KLF12: variants seen among roughly 807,000 people sequenced by gnomAD.
KLF12 encodes the protein KLF transcription factor 12, also known as Krueppel-like factor 12.
Under a neutral mutation model 37.8 loss-of-function variants are expected in KLF12, and 9 were observed. The observed-to-expected ratio is 0.24, with a 90% CI of 0.14 to 0.42. KLF12 has a LOEUF of 0.42. Among genes scored for constraint, KLF12 ranks in the 10% least tolerant of loss-of-function variants. The pLI is 1.00. For synonymous variants in KLF12, 208 were observed against 202.1 expected (o/e 1.03, Z -0.25); for missense variants, 411 against 516.0 (o/e 0.80, Z 1.97).
At chr13:73,787,601 C>A (rs181136120) in intron 5 of KLF12, among the ~76,000 whole-genome samples, 2 of 152,190 alleles carry the variant, frequency 1.3e-5, no homozygotes, top group East Asian at 3.9e-4. Context: ...GGAAACCAAG[C>A]AAATAAACTG....
At chr13:74,150,240 C>G in the KLF12 span, among the ~76,000 whole-genome samples, 4 of 152,092 alleles carry the variant, frequency 2.6e-5, no homozygotes, top group Admixed American at 6.5e-5. Context: ...GTGAATATCT[C>G]TCTAATACAT....
the KLF12 span, among the ~76,000 whole-genome samples, chr13:74,243,751 A>G: frequency 1.3e-4 from 20 of 152,110 alleles, no homozygotes; most frequent in Admixed American, 1.3e-3. Context: ...ATGAGAGGAC[A>G]TTCTTTAAGG....
chr13:74,145,886 A>G, the KLF12 span, among the ~76,000 whole-genome samples: 4 of 152,242 alleles, frequency 2.6e-5, no homozygotes, highest in Non-Finnish European at 4.4e-5. Context: ...TGCAAAATGT[A>G]GTGTATTTCT....
the KLF12 span, among the ~76,000 whole-genome samples, chr13:74,185,627 T>C: frequency 6.6e-6 from 1 of 152,204 alleles, no homozygotes. Context: ...ATTGGCCAGA[T>C]TAATGACTTT....
At chr13:73,974,310 C>CAAAAA (rs61516158) in intron 2 of KLF12, among the ~76,000 whole-genome samples, 185 of 146,294 alleles carry the variant, frequency 1.3e-3, no homozygotes, top group African/African-American at 4.7e-3. Flanking sequence ...AACTTCAAGA[C>CAAAAA]AAAAAAAAAA....
intron 6 of KLF12, among the ~76,000 whole-genome samples, chr13:73,740,516 T>C (rs2137886591): frequency 6.6e-6 from 1 of 152,310 alleles, no homozygotes; most frequent in East Asian, 1.9e-4. Flanking sequence ...TTTATTTTTA[T>C]TTTTAAATAG....
At chr13:73,749,120 A>G (rs947781297) in intron 6 of KLF12, among the ~76,000 whole-genome samples, 1 of 152,236 alleles carries the variant, frequency 6.6e-6, no homozygotes, top group South Asian at 2.1e-4. Context: ...GCTTGCTACA[A>G]TCCTAGGGGA....
At chr13:73,957,990 A>G (rs1185066507) in intron 2 of KLF12, among the ~76,000 whole-genome samples, 2 of 152,224 alleles carry the variant, frequency 1.3e-5, no homozygotes, top group African/African-American at 4.8e-5. Context: ...GGAGATATGC[A>G]GAAAAGCAAA....
intron 6 of KLF12, among the ~76,000 whole-genome samples, chr13:73,726,231 G>A (rs1305218886): frequency 6.6e-6 from 1 of 152,128 alleles, no homozygotes; most frequent in East Asian, 1.9e-4. Context: ...CTGACCCAAT[G>A]TCCAATACAT....
chr13:74,206,732 A>G, the KLF12 span, among the ~76,000 whole-genome samples: 1 of 152,232 alleles, frequency 6.6e-6, no homozygotes, highest in African/African-American at 2.4e-5. Flanking sequence ...CAGCATGCTC[A>G]CTATGCACAG....
chr13:74,256,688 T>TTGTGTGTGTGTGTGTG, the KLF12 span, among the ~76,000 whole-genome samples: 314 of 148,008 alleles, frequency 2.1e-3, 1 homozygote, highest in Middle Eastern at 6.9e-3. Flanking sequence ...TGAGTAGAGC[T>TTGTGTGTGTGTGTGTG]TGTGTGTGTG....
chr13:74,262,600 T>A, the KLF12 span, among the ~76,000 whole-genome samples: 5,943 of 152,240 alleles, frequency 0.039, 265 homozygotes, highest in African/African-American at 0.1. Context: ...ACAATATAAC[T>A]GTTATGCTGT....
chr13:73,985,874 G>T (rs575995024), intron 2 of KLF12, among the ~76,000 whole-genome samples: 106 of 152,176 alleles, frequency 7.0e-4, no homozygotes, highest in African/African-American at 2.5e-3. Flanking sequence ...AAATCTAAAG[G>T]ATCTCACTAC....
At chr13:73,936,504 A>G (rs899109721) in intron 3 of KLF12, among the ~76,000 whole-genome samples, 5 of 152,150 alleles carry the variant, frequency 3.3e-5, no homozygotes, top group Non-Finnish European at 5.9e-5. Flanking sequence ...ACACAGGAAG[A>G]TAAGTACTCA....
chr13:73,851,266 A>G (rs577607584), intron 3 of KLF12, among the ~76,000 whole-genome samples: 1 of 152,348 alleles, frequency 6.6e-6, no homozygotes, highest in African/African-American at 2.4e-5. Context: ...AGCGTAAGAT[A>G]TATTCTGACA....
the KLF12 span, among the ~76,000 whole-genome samples, chr13:74,218,696 A>G: frequency 1.3e-5 from 2 of 152,206 alleles, no homozygotes; most frequent in African/African-American, 4.8e-5. Flanking sequence ...ACTTCAGGGT[A>G]GGCTTCATTA....
chr13:74,112,797 T>G (rs746031902), intron 1 of KLF12, among the ~76,000 whole-genome samples: 2 of 152,192 alleles, frequency 1.3e-5, no homozygotes, highest in Non-Finnish European at 2.9e-5. Flanking sequence ...ACCTGTCTCT[T>G]ACTTTAAATC....
At chr13:73,956,999 G>GGGAAA (rs1566481591) in intron 2 of KLF12, among the ~76,000 whole-genome samples, 1 of 128,410 alleles carries the variant, frequency 7.8e-6, no homozygotes, top group Non-Finnish European at 1.6e-5. Flanking sequence ...AGGGAAAGGA[G>GGGAAA]GGAAAGGAAA....
At chr13:74,245,334 T>TATCTATCTATCC in the KLF12 span, among the ~76,000 whole-genome samples, 5 of 146,060 alleles carry the variant, frequency 3.4e-5, no homozygotes, top group African/African-American at 1.3e-4. Context: ...TCTATCTATC[T>TATCTATCTATCC]ATCTATCATC....
Sources: gnomAD v4.1 joint callset for allele counts (sites outside exome capture counted in the v4.1 genomes callset) on GRCh38, gnomAD v4.1.1 for gene constraint, MANE v1.5 for transcripts, NCBI Gene and HGNC (gene_info 2026-07-23, HGNC 2026-07-21) for gene names.